Variants in SEC23IP observed in about 807,000 individuals in gnomAD.
The protein encoded by SEC23IP is SEC23-interacting protein.
SEC23IP carries 70 observed loss-of-function variants against 113.4 expected under a neutral mutation model. The ratio of observed to expected loss-of-function variants is 0.62; its 90% CI spans 0.51 to 0.75. SEC23IP has a LOEUF of 0.75. Ranked by LOEUF, SEC23IP falls within the 30% of genes least tolerant of loss-of-function variation. SEC23IP has a pLI of 0.00. For synonymous variants in SEC23IP, 398 were observed against 421.0 expected, an observed-to-expected ratio of 0.95 and a Z score of 0.67; for missense variants, 1,160 against 1,204.9, an observed-to-expected ratio of 0.96 and a Z score of 0.55.
chr10:119,900,746 C>A (rs1433026898), intron 2 of SEC23IP, among the ~76,000 whole-genome samples: 1 of 152,000 alleles, frequency 6.6e-6, no homozygotes, highest in Non-Finnish European at 1.5e-5. Flanking sequence ...AGGTGTGAGC[C>A]ACCACACCTG....
intron 13 of SEC23IP, among the ~76,000 whole-genome samples, chr10:119,926,626 A>G (rs1236485195): frequency 1.8e-4 from 28 of 152,194 alleles, no homozygotes; most frequent in Admixed American, 1.8e-3. Flanking sequence ...CTTGGGGAAA[A>G]AGTCTTATAA....
At position 119,926,247 on chromosome 10, in the gene SEC23IP, G is replaced by A. The variant is rs549564793; in HGVS notation, c.2313+20G>A. 7 of 1,593,812 alleles carry A rather than the reference G, an allele frequency of 4.4e-6. No homozygotes were observed. In the African/African-American group the frequency reaches 9.4e-5, roughly 21 times the overall value. On this transcript the variant is annotated intron_variant, in intron 13 of 18. Transcript: ENST00000369075. The stretch of plus-strand genomic sequence containing the variant: ...GGACAGGTGAGTTTACATATTGACT[G>A]GGGCTACATAGTTCATGTTGGAATC...
Position 119,902,937 on chromosome 10 carries a change from G to A in SEC23IP, c.835G>A (p.Val279Ile). The stretch of plus-strand genomic sequence containing the variant: ...GCCCCACTGGTTTTACTGCAAGGAG[G>A]TAGAATACAAACAACTGTGGATGCC... Reference protein sequence around the residue: ...VQPHWFYCKEVEYKQLWMPFS... With the variant: ...VQPHWFYCKEIEYKQLWMPFS... The change falls in exon 3 of 19, where the codon GTA becomes ATA. Residue 279 changes from valine (V) to isoleucine (I), a missense_variant. Transcript: ENST00000369075. The A allele has an allele frequency of 1.2e-6, 2 of 1,614,172 alleles. No homozygotes were observed. The highest frequency in any genetic ancestry group is 1.7e-6 in the Non-Finnish European group (2 of 1,180,022).
At chr10:119,894,083 T>C (rs184084785) in intron 1 of SEC23IP, among the ~76,000 whole-genome samples, 3 of 152,338 alleles carry the variant, frequency 2.0e-5, no homozygotes, top group South Asian at 2.1e-4. Context: ...TCTATGTATG[T>C]GTAGCCTCAC....
chr10:119,904,400 C>T, intron 4 of SEC23IP, 123 bp downstream of exon 4: 1 of 791,384 alleles, frequency 1.3e-6, no homozygotes, highest in South Asian at 1.7e-5. Flanking sequence ...TGATGCTGTT[C>T]ACAGAGAAGA....
Position 119,902,858 on chromosome 10 carries a change from C to T in SEC23IP, c.756C>T (p.Pro252=). ...AGGTACCTGCCAGACCTGGGGCTCC[C>T]TCTGTTCAAGTGCCATCTCCTTTTC... ...QQQVPARPGA[P]SVQVPSPFLL... Residue 252 remains proline, a synonymous_variant, in exon 3 of 19, where the codon CCC becomes CCT. Coordinates refer to ENST00000369075, the MANE Select transcript of SEC23IP (RefSeq NM_007190.4). 4 of 1,614,194 alleles carry T rather than the reference C, an allele frequency of 2.5e-6. No homozygotes were observed. Among genetic ancestry groups the T allele is most frequent in the Non-Finnish European group, 3.4e-6 (4 of 1,180,032 alleles).
Position 119,898,378 on chromosome 10 carries a change from G to A in SEC23IP, c.164-49G>A, listed in dbSNP as rs74660906. 9.2e-6 allele frequency: 14 copies of A among 1,521,310 alleles called. No homozygotes were observed. The Admixed American group carries it at 2.0e-4, about 21-fold the overall frequency. The allele number at this position is 1,521,310 out of a possible 1,614,324, so 94.2% of individuals were successfully genotyped here. On this transcript the variant is annotated intron_variant, in intron 1 of 18. Transcript: ENST00000369075. ...CCCTTCCTTATAGAATCGTATCTGC[G>A]GAGTGATAGAGTACCCTTTAAACCA...
At position 119,892,734 on chromosome 10, in the gene SEC23IP, G is replaced by A. The variant is rs369846307; in HGVS notation, c.-49G>A. 1.0e-4 allele frequency: 157 copies of A among 1,550,660 alleles called. No homozygotes were observed. The highest frequency in any genetic ancestry group is 1.3e-4 in the Non-Finnish European group (150 of 1,146,190). ...GAGCGTGATCGGTTTCCGGTCAGTGGTGTGGTACCGGGTACCCGGAGACGT... is the reference window on the plus strand; with the variant it reads ...GAGCGTGATCGGTTTCCGGTCAGTGATGTGGTACCGGGTACCCGGAGACGT... On this transcript the variant is annotated 5_prime_UTR_variant, in exon 1 of 19. It adds an upstream start codon to the 5' untranslated region. Coordinates refer to ENST00000369075, the MANE Select transcript of SEC23IP (RefSeq NM_007190.4).
At chr10:119,936,420 G>A (rs1240551699) in intron 18 of SEC23IP, among the ~76,000 whole-genome samples, 5 of 151,422 alleles carry the variant, frequency 3.3e-5, no homozygotes, top group African/African-American at 9.7e-5. Context: ...TTAGCAGGGT[G>A]TGATCTCACC....
chr10:119,892,845 C>G lies in SEC23IP; in HGVS notation c.63C>G (p.Asn21Lys). The change falls in exon 1 of 19, where the codon AAC becomes AAG. Residue 21 changes from asparagine to lysine, a missense_variant. By Grantham distance (94) the Asn-to-Lys change is moderately conservative. Coordinates refer to ENST00000369075, the MANE Select transcript of SEC23IP (RefSeq NM_007190.4). ...CCTCCACTTCCTCATCGGGCACTAA[C>G]TTACTTTTCTCCTCCTCGGCCACGG... The part of the protein sequence containing the change: ...GGASTSSSGT[N>K]LLFSSSATEF... 1 of 1,614,092 alleles carries G rather than the reference C, an allele frequency of 6.2e-7. No individual in the cohort carries two copies. Among genetic ancestry groups the G allele is most frequent in the East Asian group, 2.2e-5 (1 of 44,860 alleles).
intron 18 of SEC23IP, among the ~76,000 whole-genome samples, chr10:119,934,869 T>A (rs1161818378): frequency 2.0e-5 from 3 of 152,206 alleles, no homozygotes; most frequent in African/African-American, 7.2e-5. Flanking sequence ...AGGCATGGTG[T>A]CTCACACCTC....
rs538401505 is a variant in SEC23IP at position 119,901,337 on chromosome 10, A to AT, written c.697-1451dup. Among the ~76,000 whole-genome samples the AT allele has an allele frequency of 3.6e-3, 525 of 144,720 alleles. 1 individual carries two copies. Among genetic ancestry groups the AT allele is most frequent in the South Asian group, 0.01 (47 of 4,624 alleles). The allele number at this position is 144,720 out of a possible 152,430, so 94.9% of individuals were successfully genotyped here. On this transcript the variant is annotated intron_variant, in intron 2 of 18. Transcript: ENST00000369075. ...AACTTTTATTTTTGTTTATTTACTT[A>AT]TTTTTTTTTTTAGCTATCTCCTGCA...
intron 13 of SEC23IP, among the ~76,000 whole-genome samples, chr10:119,927,755 T>TTA (rs1855469722): frequency 6.6e-6 from 1 of 152,250 alleles, no homozygotes; most frequent in South Asian, 2.1e-4. Flanking sequence ...ACCCATCATA[T>TTA]TAAACATGTA....
intron 5 of SEC23IP, 67 bp downstream of exon 5, chr10:119,909,197 A>G (rs1377050399): frequency 3.7e-6 from 4 of 1,085,998 alleles, no homozygotes; most frequent in Non-Finnish European, 4.1e-6. Context: ...TATGTTTGAT[A>G]AATTGTTCAT....
At chr10:119,918,851 T>C (rs1030332655) in intron 10 of SEC23IP, among the ~76,000 whole-genome samples, 3 of 152,206 alleles carry the variant, frequency 2.0e-5, no homozygotes, top group African/African-American at 7.2e-5. Context: ...AATGGAATCA[T>C]ATAGCTCATT....
At chr10:119,935,096 G>T (rs1855729467) in intron 18 of SEC23IP, among the ~76,000 whole-genome samples, 1 of 152,220 alleles carries the variant, frequency 6.6e-6, no homozygotes, top group Non-Finnish European at 1.5e-5. Context: ...GGCAGCCAGT[G>T]TTCCACGTTT....
chr10:119,924,568 G>A (rs573585382), intron 12 of SEC23IP, among the ~76,000 whole-genome samples: 8 of 151,884 alleles, frequency 5.3e-5, no homozygotes, highest in African/African-American at 1.4e-4. Context: ...ACAGGCGCGC[G>A]CCACCATGCC....
rs115794914 is a variant in SEC23IP, at chr10:119,927,474, C to T, written c.2313+1247C>T. On this transcript the variant is annotated intron_variant, in intron 13 of 18. Coordinates refer to ENST00000369075, the MANE Select transcript of SEC23IP (RefSeq NM_007190.4). The stretch of plus-strand genomic sequence containing the variant: ...TTCGAGCTGCTAGGGATTTGCTGGC[C>T]ATCTTTGGCAGTTATAGGTTTATAG... 2.8e-3 allele frequency among the ~76,000 whole-genome samples: 431 copies of T among 152,220 alleles called. 3 individuals are homozygous for T. Among genetic ancestry groups the T allele is most frequent in the African/African-American group, 9.9e-3 (413 of 41,532 alleles).
In SEC23IP at chr10:119,941,194, G is replaced by A. The variant is rs528367664; in HGVS notation, c.*629G>A. On this transcript the variant is annotated 3_prime_UTR_variant, in exon 19 of 19. Coordinates refer to ENST00000369075, the MANE Select transcript of SEC23IP (RefSeq NM_007190.4). ...AAACGATTGCTGAGAGCCTGATTGT[G>A]GAAAGAAGTGAGATGCACCTTATTT... 1 of 152,240 alleles carries A rather than the reference G, an allele frequency of 6.6e-6. No individual in the cohort carries two copies. Among genetic ancestry groups the A allele is most frequent in the East Asian group, 1.9e-4 (1 of 5,180 alleles). 9.4% of individuals were successfully genotyped at this position (152,240 alleles called of 1,614,324 possible).
Sources: allele counts gnomAD v4.1 joint callset (sites outside exome capture counted in the v4.1 genomes callset), GRCh38; gene constraint gnomAD v4.1.1; transcripts MANE v1.5; gene names NCBI Gene and HGNC (gene_info 2026-07-23, HGNC 2026-07-21).